Variants in RAB1A observed in about 807,000 individuals in gnomAD.
RAB1A encodes RAB1A, member RAS oncogene family.
Under a neutral mutation model 26.0 loss-of-function variants are expected in RAB1A, and 2 were observed. The observed-to-expected ratio is 0.08, with a 90% CI of 0.03 to 0.24. RAB1A has a LOEUF of 0.24. RAB1A is among the 10% of genes least tolerant of loss of function. The pLI, the probability that RAB1A is intolerant of heterozygous loss-of-function variation, is 1.00. For missense variants in RAB1A, 100 were observed against 247.0 expected, an observed-to-expected ratio of 0.40 and a Z score of 3.99; for synonymous variants, 84 against 84.9, an observed-to-expected ratio of 0.99 and a Z score of 0.06.
At chr2:65,108,545 G>A (rs1467756538) in intron 1 of RAB1A, among the ~76,000 whole-genome samples, 1 of 151,898 alleles carries the variant, frequency 6.6e-6, no homozygotes, top group Non-Finnish European at 1.5e-5. Context: ...GGCTCAGTGA[G>A]CCTGTAATCC....
At chr2:65,095,091 G>A (rs1669251761) in intron 3 of RAB1A, among the ~76,000 whole-genome samples, 1 of 152,112 alleles carries the variant, frequency 6.6e-6, no homozygotes, top group African/African-American at 2.4e-5. Flanking sequence ...GCACTCTAGC[G>A]AGGGAGACAA....
chr2:65,103,356 TA>T (rs1190554660), intron 2 of RAB1A, among the ~76,000 whole-genome samples: 3 of 151,752 alleles, frequency 2.0e-5, no homozygotes, highest in Non-Finnish European at 4.4e-5. Context: ...CAAATATTTT[TA>T]AAGGAATACT....
intron 1 of RAB1A, among the ~76,000 whole-genome samples, chr2:65,113,279 CAT>C (rs1669744128): frequency 6.6e-6 from 1 of 152,128 alleles, no homozygotes; most frequent in Non-Finnish European, 1.5e-5. Flanking sequence ...ATGATCTGAA[CAT>C]AGTCTTGATG....
At chr2:65,090,729 A>G (rs1669155072) in intron 4 of RAB1A, among the ~76,000 whole-genome samples, 1 of 152,228 alleles carries the variant, frequency 6.6e-6, no homozygotes, top group Non-Finnish European at 1.5e-5. Flanking sequence ...CTATTTGATC[A>G]AAGTTATTTA....
intron 2 of RAB1A, among the ~76,000 whole-genome samples, chr2:65,101,790 C>A (rs1318405935): frequency 1.2e-4 from 14 of 121,640 alleles, no homozygotes; most frequent in Middle Eastern, 8.2e-3. Flanking sequence ...GCTCTTGTTG[C>A]CCAGGCTGGA....
At chr2:65,095,971 G>A (rs1372255688) in intron 3 of RAB1A, among the ~76,000 whole-genome samples, 1 of 151,950 alleles carries the variant, frequency 6.6e-6, no homozygotes, top group Non-Finnish European at 1.5e-5. Flanking sequence ...AACCAACATG[G>A]TGAAACTCTG....
chr2:65,104,624 C>G (rs1263055123), intron 2 of RAB1A, 110 bp downstream of exon 2: 3 of 820,628 alleles, frequency 3.7e-6, no homozygotes, highest in Non-Finnish European at 3.9e-6. Context: ...TATATAAATT[C>G]TGGAAGAATT....
intron 1 of RAB1A, among the ~76,000 whole-genome samples, chr2:65,109,709 C>CAAA (rs112595111): frequency 0.043 from 5,381 of 125,122 alleles, 126 homozygotes; most frequent in Middle Eastern, 0.12. Flanking sequence ...GACTCCATCT[C>CAAA]AAAAAAAAAA....
At chr2:65,090,703 T>C (rs1271568087) in intron 4 of RAB1A, among the ~76,000 whole-genome samples, 1 of 152,188 alleles carries the variant, frequency 6.6e-6, no homozygotes, top group Non-Finnish European at 1.5e-5. Context: ...CTCTTGCCTA[T>C]ATGTTAGAGT....
chr2:65,129,771 G>T (rs1201614402), intron 1 of RAB1A, 122 bp downstream of exon 1: 1 of 1,466,894 alleles, frequency 6.8e-7, no homozygotes, highest in East Asian at 2.5e-5. Flanking sequence ...AGCCTCTCCT[G>T]ACCCATCACC....
At chr2:65,116,330 C>T (rs757490201) in intron 1 of RAB1A, among the ~76,000 whole-genome samples, 11 of 152,074 alleles carry the variant, frequency 7.2e-5, no homozygotes, top group Non-Finnish European at 1.5e-4. Flanking sequence ...GGGGTGTCAA[C>T]GTTCTCTACC....
chr2:65,113,388 C>G (rs1481999968), intron 1 of RAB1A, among the ~76,000 whole-genome samples: 2 of 152,044 alleles, frequency 1.3e-5, no homozygotes, highest in Admixed American at 6.6e-5. Context: ...CACCTGTAGT[C>G]CCAGCTACTT....
chr2:65,099,381 T>G (rs1669364750), intron 2 of RAB1A, among the ~76,000 whole-genome samples: 4 of 152,328 alleles, frequency 2.6e-5, no homozygotes, highest in Non-Finnish European at 4.4e-5. Context: ...GGAATAAAAA[T>G]ATTTCTCGTG....
At chr2:65,094,623 CA>C (rs1669244326) in intron 3 of RAB1A, among the ~76,000 whole-genome samples, 1 of 150,852 alleles carries the variant, frequency 6.6e-6, no homozygotes, top group African/African-American at 2.4e-5. Context: ...ACAAGCAAAT[CA>C]AAAACCTTAA....
intron 2 of RAB1A, among the ~76,000 whole-genome samples, chr2:65,101,577 G>C (rs1325068631): frequency 6.6e-6 from 1 of 152,016 alleles, no homozygotes; most frequent in Non-Finnish European, 1.5e-5. Flanking sequence ...GCTACAGCTA[G>C]ATTCTTCCCA....
At chr2:65,118,731 G>C (rs2103874292) in intron 1 of RAB1A, among the ~76,000 whole-genome samples, 1 of 152,224 alleles carries the variant, frequency 6.6e-6, no homozygotes, top group East Asian at 1.9e-4. Context: ...GCCCACCTCA[G>C]CCTCCCAAAG....
At chr2:65,097,837 A>G (rs751148313) in intron 3 of RAB1A, 134 bp downstream of exon 3, 60 of 476,614 alleles carry the variant, frequency 1.3e-4, no homozygotes, top group Non-Finnish European at 1.4e-4. Flanking sequence ...TTATTCTACC[A>G]TTCTATCTTA....
At chr2:65,126,018 C>A (rs965654500) in intron 1 of RAB1A, among the ~76,000 whole-genome samples, 2 of 151,332 alleles carry the variant, frequency 1.3e-5, no homozygotes, top group Non-Finnish European at 2.9e-5. Flanking sequence ...ATTACAGGCG[C>A]CAGCCAACAC....
At chr2:65,099,626 A>G (rs556275036) in intron 2 of RAB1A, among the ~76,000 whole-genome samples, 141 of 152,278 alleles carry the variant, frequency 9.3e-4, no homozygotes, top group Middle Eastern at 6.8e-3. Flanking sequence ...GATTTTTTCA[A>G]TTATTTTTCC....
Sources: allele counts gnomAD v4.1 joint callset (sites outside exome capture counted in the v4.1 genomes callset), GRCh38; gene constraint gnomAD v4.1.1; transcripts MANE v1.5; gene names NCBI Gene and HGNC (gene_info 2026-07-23, HGNC 2026-07-21).